Variants in MAD1L1 observed in about 807,000 individuals in gnomAD.
The protein encoded by MAD1L1 is mitotic arrest deficient 1 like 1, also known as mitotic spindle assembly checkpoint protein MAD1.
Under a neutral mutation model 96.9 loss-of-function variants are expected in MAD1L1, and 95 were observed. That is an observed-to-expected ratio of 0.98 (90% CI 0.83 to 1.16). The LOEUF is 1.16. Ranked by LOEUF, MAD1L1 falls within the 50% of genes most tolerant of loss-of-function variation. MAD1L1 has a pLI of 0.00. For missense variants in MAD1L1, 1,007 were observed against 954.4 expected (o/e 1.06, Z -0.73); for synonymous variants, 473 against 396.6 (o/e 1.19, Z -2.29).
Position 1,882,937 on chromosome 7 carries a change from AACACCAAACCT to A in MAD1L1, c.1998+15252_1998+15262del, listed in dbSNP as rs1562486529. Among the ~76,000 whole-genome samples, 1,400 of 144,922 alleles carry A rather than the reference AACACCAAACCT, an allele frequency of 9.7e-3. 28 individuals are homozygous for A. The highest frequency in any genetic ancestry group is 0.034 in the African/African-American group (1,316 of 38,480). The stretch of plus-strand genomic sequence containing the variant: ...AAACGGCCCCAGGAACCAGCTCTTT[AACACCAAACCT>A]GGTGTCACAAACGACTCCAGGAACC... On this transcript the variant is annotated intron_variant, in intron 18 of 18. Transcript: ENST00000265854.
chr7:1,844,863 G>A (rs1783503424), intron 18 of MAD1L1, among the ~76,000 whole-genome samples: 3 of 152,370 alleles, frequency 2.0e-5, no homozygotes, highest in East Asian at 1.9e-4. Flanking sequence ...CCTCCTCTGC[G>A]AGTGGGACAG....
intron 18 of MAD1L1, among the ~76,000 whole-genome samples, chr7:1,888,417 T>C (rs567109431): frequency 6.8e-6 from 1 of 146,702 alleles, no homozygotes; most frequent in Non-Finnish European, 1.5e-5. Flanking sequence ...TGCCTGTGCA[T>C]GTGAGCATGC....
chr7:2,174,725 A>G (rs1245129080), intron 10 of MAD1L1, among the ~76,000 whole-genome samples: 1 of 152,096 alleles, frequency 6.6e-6, no homozygotes, highest in East Asian at 1.9e-4. Context: ...CTTCCAGAGG[A>G]CATTTTTCTT....
Position 2,230,028 on chromosome 7 carries a change from A to G in MAD1L1, c.106T>C (p.Ser36Pro), listed in dbSNP as rs759612534. 1 of 1,613,748 alleles carries G rather than the reference A, an allele frequency of 6.2e-7. No homozygotes were observed. The highest frequency in any genetic ancestry group is 8.5e-7 in the Non-Finnish European group (1 of 1,180,006). ...EGGSGLDIST[S>P]APGSLQMQYQ... ...TGCATCTGCAGAGAACCTGGGGCCG[A>G]GGTAGAAATATCCAGTCCAGAGCCT... Residue 36 changes from serine to proline, a missense_variant, in exon 3 of 19, where the codon TCG becomes CCG. By Grantham distance (74) the Ser-to-Pro change is moderately conservative (BLOSUM62 -1). Coordinates refer to ENST00000265854, the MANE Select transcript of MAD1L1 (RefSeq NM_001013836.2).
chr7:2,217,347 G>T (rs777883981), intron 7 of MAD1L1, among the ~76,000 whole-genome samples: 4 of 152,354 alleles, frequency 2.6e-5, no homozygotes, highest in South Asian at 4.1e-4. Flanking sequence ...GAGGTGGACT[G>T]AGGGCTGCGA....
At chr7:1,851,858 G>C (rs181567230) in intron 18 of MAD1L1, among the ~76,000 whole-genome samples, 83 of 152,334 alleles carry the variant, frequency 5.4e-4, no homozygotes, top group African/African-American at 1.9e-3. Flanking sequence ...GGGAGCTAGA[G>C]TCGCCTGCCT....
intron 14 of MAD1L1, among the ~76,000 whole-genome samples, chr7:1,985,450 G>C (rs4721283): frequency 0.99 from 150,507 of 152,356 alleles, 74,365 homozygotes; most frequent in East Asian, 1. Context: ...AAGAGCGAGG[G>C]CCTCACAGTC....
At chr7:2,105,994 T>TGGCCCCGCGCCTGCCCCACAC (rs60838694) in intron 11 of MAD1L1, among the ~76,000 whole-genome samples, 5 of 91,270 alleles carry the variant, frequency 5.5e-5, no homozygotes, top group South Asian at 8.0e-4. Flanking sequence ...CTGCCCCACA[T>TGGCCCCGCGCCTGCCCCACAC]ATGGCCCCGC....
intron 18 of MAD1L1, among the ~76,000 whole-genome samples, chr7:1,891,010 C>T (rs1288610219): frequency 6.6e-6 from 1 of 152,168 alleles, no homozygotes; most frequent in East Asian, 1.9e-4. Flanking sequence ...AGACAGACGC[C>T]AGAAAGCGGG....
intron 17 of MAD1L1, among the ~76,000 whole-genome samples, chr7:1,926,424 T>C (rs993090911): frequency 1.4e-4 from 21 of 152,322 alleles, no homozygotes; most frequent in African/African-American, 4.8e-4. Flanking sequence ...ACAAGGGCAG[T>C]ACAAGAAAGC....
intron 10 of MAD1L1, among the ~76,000 whole-genome samples, chr7:2,180,696 A>T (rs1364484636): frequency 6.6e-6 from 1 of 152,186 alleles, no homozygotes; most frequent in African/African-American, 2.4e-5. Context: ...CTAACGTATA[A>T]TATTAAACAT....
At chr7:2,184,342 A>G (rs1242880605) in intron 10 of MAD1L1, among the ~76,000 whole-genome samples, 1 of 152,216 alleles carries the variant, frequency 6.6e-6, no homozygotes, top group Non-Finnish European at 1.5e-5. Context: ...GTTAAAGCCA[A>G]AAGTCGGTAA....
At chr7:2,217,099 C>A (rs964840518) in intron 7 of MAD1L1, among the ~76,000 whole-genome samples, 1 of 152,210 alleles carries the variant, frequency 6.6e-6, no homozygotes, top group Non-Finnish European at 1.5e-5. Flanking sequence ...GGTAAAACAT[C>A]CCACCCCTCC....
At chr7:1,889,200 G>A (rs1786383554) in intron 18 of MAD1L1, among the ~76,000 whole-genome samples, 1 of 152,114 alleles carries the variant, frequency 6.6e-6, no homozygotes, top group African/African-American at 2.4e-5. Context: ...GCAGAGGCAA[G>A]CGACATCCAC....
At chr7:1,908,368 C>A (rs532905430) in intron 17 of MAD1L1, among the ~76,000 whole-genome samples, 2 of 152,136 alleles carry the variant, frequency 1.3e-5, no homozygotes, top group Non-Finnish European at 2.9e-5. Context: ...GCTGTATACA[C>A]TCCTCCTTCA....
intron 10 of MAD1L1, among the ~76,000 whole-genome samples, chr7:2,187,024 C>G (rs889265660): frequency 2.6e-5 from 4 of 152,070 alleles, no homozygotes; most frequent in Admixed American, 1.3e-4. Context: ...AACTCCCAAC[C>G]TCAGGTGATC....
At chr7:2,177,264 T>G (rs1298225361) in intron 10 of MAD1L1, among the ~76,000 whole-genome samples, 1 of 152,256 alleles carries the variant, frequency 6.6e-6, no homozygotes. Context: ...TTAATTTGAA[T>G]CTGGCACTTT....
intron 10 of MAD1L1, among the ~76,000 whole-genome samples, chr7:2,205,999 G>T (rs1010387569): frequency 9.2e-5 from 14 of 152,126 alleles, no homozygotes; most frequent in African/African-American, 3.4e-4. Flanking sequence ...GGGTGTGGTG[G>T]TGCACGCCTG....
At chr7:2,096,005 C>G (rs530594538) in intron 11 of MAD1L1, among the ~76,000 whole-genome samples, 87 of 152,324 alleles carry the variant, frequency 5.7e-4, no homozygotes, top group African/African-American at 2.0e-3. Flanking sequence ...GCCTCAGGGT[C>G]GTTAGAATCG....
Sources: gnomAD v4.1 joint callset for allele counts (sites outside exome capture counted in the v4.1 genomes callset) on GRCh38, gnomAD v4.1.1 for gene constraint, MANE v1.5 for transcripts, NCBI Gene and HGNC (gene_info 2026-07-23, HGNC 2026-07-21) for gene names.